RASGEF1A: variants seen among roughly 807,000 people sequenced by gnomAD.
RASGEF1A encodes the protein RasGEF domain family member 1A, also known as ras-GEF domain-containing family member 1A.
RASGEF1A carries 18 observed loss-of-function variants against 56.4 expected under a neutral mutation model. The observed-to-expected ratio is 0.32, with a 90% CI of 0.22 to 0.47. The LOEUF is 0.47. Among genes scored for constraint, RASGEF1A ranks in the 20% least tolerant of loss-of-function variants. The pLI, the probability that RASGEF1A is intolerant of heterozygous loss-of-function variation, is 1.00. For missense variants in RASGEF1A, 422 were observed against 627.1 expected (o/e 0.67, Z 3.49); for synonymous variants, 245 against 242.6 (o/e 1.01, Z -0.09).
chr10:43,204,037 C>T (rs1445742017), intron 2 of RASGEF1A, among the ~76,000 whole-genome samples: 1 of 151,872 alleles, frequency 6.6e-6, no homozygotes, highest in Non-Finnish European at 1.5e-5. Context: ...AGAGCAGGGC[C>T]CCTCCATACC....
At chr10:43,231,358 T>C (rs1210373523) in intron 1 of RASGEF1A, among the ~76,000 whole-genome samples, 1 of 152,174 alleles carries the variant, frequency 6.6e-6, no homozygotes, top group Non-Finnish European at 1.5e-5. Flanking sequence ...TCCTCAGCCC[T>C]GTACCGTAGC....
At chr10:43,262,957 G>A (rs1836560697) in intron 1 of RASGEF1A, among the ~76,000 whole-genome samples, 1 of 152,206 alleles carries the variant, frequency 6.6e-6, no homozygotes, top group Admixed American at 6.5e-5. Context: ...AGGGAAGCTG[G>A]CAGAGGGGGT....
intron 3 of RASGEF1A, 97 bp downstream of exon 3, chr10:43,203,201 C>T (rs12767911): frequency 7.8e-7 from 1 of 1,282,482 alleles, no homozygotes. Flanking sequence ...CATCCCCCAG[C>T]TCTACCGTGA....
chr10:43,197,117 A>AACTGAT lies in RASGEF1A; in HGVS notation c.1225-24_1225-19dup. On this transcript the variant is annotated intron_variant, in intron 10 of 12. Coordinates refer to ENST00000395810, the MANE Select transcript of RASGEF1A (RefSeq NM_145313.4). ...CAGAATTTCTGAAGGGAGCAAAACC[A>AACTGAT]ACTGATGTTCATCTGTCACCTTAAG... 1 of 1,612,360 alleles carries AACTGAT rather than the reference A, an allele frequency of 6.2e-7. No individual in the cohort carries two copies. Among genetic ancestry groups the AACTGAT allele is most frequent in the Non-Finnish European group, 8.5e-7 (1 of 1,179,230 alleles).
chr10:43,238,172 A>G (rs1840457377), intron 1 of RASGEF1A, among the ~76,000 whole-genome samples: 1 of 35,896 alleles, frequency 2.8e-5, no homozygotes, highest in South Asian at 5.6e-4. Flanking sequence ...CCTGCCCCTC[A>G]GGAGGGTTAG....
At position 43,251,550 on chromosome 10, in the gene RASGEF1A, T is replaced by C. The variant is rs556918497; in HGVS notation, c.-7+15295A>G. On this transcript the variant is annotated intron_variant, in intron 1 of 12. Transcript: ENST00000395810. ...GAGCACAAGGTGTCAGTGTGCATGA[T>C]GGACGCCAGCCGCTGTGAAAATTGA... 3.9e-5 allele frequency among the ~76,000 whole-genome samples: 6 copies of C among 152,298 alleles called. No individual in the cohort carries two copies. The East Asian group carries it at 9.6e-4, about 24-fold the overall frequency.
At position 43,221,238 on chromosome 10, in the gene RASGEF1A, T is replaced by C. The variant is rs111467255; in HGVS notation, c.-6-15116A>G. Among the ~76,000 whole-genome samples, 1,519 of 152,244 alleles carry C rather than the reference T, an allele frequency of 1.0e-2. 7 individuals are homozygous for C. Among genetic ancestry groups the C allele is most frequent in the Middle Eastern group, 0.027 (8 of 294 alleles). ...CGCCTCTCTTATGACTGCCTGGGTG[T>C]GTGGAATATATTTGCATGATTGTTG... is the stretch of plus-strand genomic sequence containing the variant. On this transcript the variant is annotated intron_variant, in intron 1 of 12. Transcript: ENST00000395810.
At chr10:43,211,872 T>G (rs1588934253) in intron 1 of RASGEF1A, among the ~76,000 whole-genome samples, 1 of 152,126 alleles carries the variant, frequency 6.6e-6, no homozygotes, top group South Asian at 2.1e-4. Flanking sequence ...ACACTGGGTG[T>G]GGAATGTCTT....
chr10:43,254,836 G>T (rs1472763106), intron 1 of RASGEF1A, among the ~76,000 whole-genome samples: 2 of 152,172 alleles, frequency 1.3e-5, no homozygotes, highest in Non-Finnish European at 2.9e-5. Flanking sequence ...GGGAACAAAG[G>T]AGACAGTCCC....
chr10:43,240,093 G>A (rs1382453861), intron 1 of RASGEF1A, among the ~76,000 whole-genome samples: 1 of 152,192 alleles, frequency 6.6e-6, no homozygotes, highest in Non-Finnish European at 1.5e-5. Context: ...TGTGCAAGCA[G>A]GAAGAGAAGA....
chr10:43,263,051 C>A (rs527365941), intron 1 of RASGEF1A, among the ~76,000 whole-genome samples: 1 of 152,044 alleles, frequency 6.6e-6, no homozygotes, highest in Admixed American at 6.6e-5. Context: ...CATCGTCACC[C>A]GGGAGGCGTC....
intron 1 of RASGEF1A, among the ~76,000 whole-genome samples, chr10:43,241,957 G>A (rs918814164): frequency 2.0e-5 from 3 of 152,268 alleles, no homozygotes; most frequent in Admixed American, 1.3e-4. Context: ...CTAACACAGT[G>A]AAACCCCATC....
intron 1 of RASGEF1A, among the ~76,000 whole-genome samples, chr10:43,216,399 C>T (rs1047625332): frequency 6.6e-6 from 1 of 152,212 alleles, no homozygotes; most frequent in Non-Finnish European, 1.5e-5. Flanking sequence ...CCTTGGGGGA[C>T]CATCTTGTGG....
chr10:43,213,307 C>T (rs544600438), intron 1 of RASGEF1A, among the ~76,000 whole-genome samples: 1 of 152,234 alleles, frequency 6.6e-6, no homozygotes, highest in South Asian at 2.1e-4. Flanking sequence ...CAGCACATAA[C>T]CCATGCATGT....
chr10:43,203,068 T>C (rs1201371910), intron 3 of RASGEF1A, among the ~76,000 whole-genome samples: 3 of 101,974 alleles, frequency 2.9e-5, no homozygotes, highest in Non-Finnish European at 5.8e-5. Flanking sequence ...ACCCTAGCCT[T>C]GACCCCGACC....
At chr10:43,253,820 C>A (rs931381140) in intron 1 of RASGEF1A, among the ~76,000 whole-genome samples, 1 of 152,240 alleles carries the variant, frequency 6.6e-6, no homozygotes, top group Admixed American at 6.5e-5. Context: ...ACCTACTGGC[C>A]GAGATAAGAA....
At chr10:43,230,582 G>A (rs1840353121) in intron 1 of RASGEF1A, among the ~76,000 whole-genome samples, 3 of 152,176 alleles carry the variant, frequency 2.0e-5, no homozygotes, top group African/African-American at 4.8e-5. Context: ...GGGGGAGTCC[G>A]AGTTGGCCGG....
intron 1 of RASGEF1A, among the ~76,000 whole-genome samples, chr10:43,230,850 G>A (rs1181746821): frequency 6.6e-6 from 1 of 152,150 alleles, no homozygotes; most frequent in Non-Finnish European, 1.5e-5. Context: ...AGGCTGGCTC[G>A]ATGGGCAGTT....
At chr10:43,218,754 G>A (rs1203902861) in intron 1 of RASGEF1A, among the ~76,000 whole-genome samples, 1 of 152,388 alleles carries the variant, frequency 6.6e-6, no homozygotes, top group Non-Finnish European at 1.5e-5. Flanking sequence ...ACAAGGAGGC[G>A]GCTGCCATGG....
Sources: gnomAD v4.1 joint callset for allele counts (sites outside exome capture counted in the v4.1 genomes callset) on GRCh38, gnomAD v4.1.1 for gene constraint, MANE v1.5 for transcripts, NCBI Gene and HGNC (gene_info 2026-07-23, HGNC 2026-07-21) for gene names.